The following TBCK variants were observed in gnomAD, a reference collection of about 807,000 sequenced individuals.
TBCK encodes the protein TBC domain-containing protein kinase-like protein.
Under a neutral mutation model 113.4 loss-of-function variants are expected in TBCK, and 99 were observed. The observed-to-expected ratio is 0.87, with a 90% confidence interval of 0.74 to 1.03. TBCK has a LOEUF of 1.03. TBCK is among the 50% of genes least tolerant of loss of function. TBCK has a pLI of 0.00. For synonymous variants in TBCK, 369 were observed against 370.8 expected, an observed-to-expected ratio of 1.00 and a Z score of 0.05; for missense variants, 1,045 against 1,061.3, an observed-to-expected ratio of 0.98 and a Z score of 0.21.
At chr4:106,309,469 A>G (rs570226037) in intron 1 of TBCK, among the ~76,000 whole-genome samples, 2 of 151,588 alleles carry the variant, frequency 1.3e-5, no homozygotes, top group Non-Finnish European at 2.9e-5. Context: ...CACCCAGTTA[A>G]CTTTTTGTAT....
At chr4:106,121,004 G>C (rs1443539181) in intron 23 of TBCK, among the ~76,000 whole-genome samples, 1 of 152,240 alleles carries the variant, frequency 6.6e-6, no homozygotes, top group Admixed American at 6.5e-5. Flanking sequence ...GGCTTCAGAC[G>C]ATCAAATTAC....
chr4:106,120,703 C>A (rs1257144047), intron 23 of TBCK, among the ~76,000 whole-genome samples: 2 of 152,202 alleles, frequency 1.3e-5, no homozygotes, highest in Non-Finnish European at 2.9e-5. Context: ...CCAGCAGGGG[C>A]ACACTGACAC....
intron 24 of TBCK, among the ~76,000 whole-genome samples, chr4:106,103,120 T>G (rs755484365): frequency 6.6e-6 from 1 of 152,214 alleles, no homozygotes; most frequent in Non-Finnish European, 1.5e-5. Flanking sequence ...AATTAAATAT[T>G]ATAAATTAAG....
intron 23 of TBCK, among the ~76,000 whole-genome samples, chr4:106,116,790 G>A (rs938974505): frequency 6.6e-6 from 1 of 152,018 alleles, no homozygotes; most frequent in African/African-American, 2.4e-5. Flanking sequence ...AATGCCTGAT[G>A]ATCTGTCATT....
At chr4:106,078,311 A>G (rs1295113689) in intron 25 of TBCK, among the ~76,000 whole-genome samples, 2 of 152,194 alleles carry the variant, frequency 1.3e-5, no homozygotes, top group Non-Finnish European at 2.9e-5. Context: ...TAAAACTGAG[A>G]TGCGAAAATC....
rs542729783 is a variant in TBCK, at chr4:106,171,420, T to C, written c.2060-150A>G. ...ATGTCAGTAAAAAAAACAATGTATA[T>C]ATTAATCAGCATATTTATGACTGGA... is the stretch of plus-strand genomic sequence containing the variant. On this transcript the variant is annotated intron_variant, in intron 22 of 25. Transcript: ENST00000394708. 2.3e-5 allele frequency: 14 copies of C among 603,646 alleles called. No homozygotes were observed. The Admixed American group carries it at 4.3e-4, about 19-fold the overall frequency. The allele number at this position is 603,646 out of a possible 1,614,324, so 37.4% of individuals were successfully genotyped here. A position where few individuals can be genotyped will look rare whatever the true frequency, so the allele number is the denominator to read the frequency against.
chr4:106,267,350 A>G (rs566757958), intron 3 of TBCK, among the ~76,000 whole-genome samples: 8 of 152,098 alleles, frequency 5.3e-5, no homozygotes, highest in East Asian at 1.9e-4. Flanking sequence ...ATATTAAAAC[A>G]TATCAATTGA....
intron 20 of TBCK, among the ~76,000 whole-genome samples, chr4:106,200,249 C>G (rs1226436312): frequency 6.6e-6 from 1 of 152,118 alleles, no homozygotes; most frequent in Non-Finnish European, 1.5e-5. Flanking sequence ...TTACTTATTT[C>G]AAAATTCATG....
intron 8 of TBCK, 65 bp from the exon 9 acceptor site, chr4:106,248,371 A>T: frequency 7.8e-6 from 9 of 1,153,228 alleles, no homozygotes; most frequent in Non-Finnish European, 1.1e-5. Flanking sequence ...CTTTATTCAA[A>T]TGTTTGCTAA....
chr4:106,209,272 T>C lies in TBCK; in HGVS notation c.1860+3478A>G, dbSNP rs532555939. Among the ~76,000 whole-genome samples, 77 of 152,322 alleles carry C rather than the reference T, an allele frequency of 5.1e-4. 3 individuals are homozygous for C. The South Asian group carries it at 0.016, about 31-fold the overall frequency. ...ATGTCACAATTATTTAGTTATTGAG[T>C]AATTCACTCACCCTGCATAGCAGCA... On this transcript the variant is annotated intron_variant, in intron 20 of 25. Coordinates refer to ENST00000394708, the MANE Select transcript of TBCK (RefSeq NM_001163435.3).
chr4:106,262,098 C>T lies in TBCK; in HGVS notation c.381G>A (p.Lys127=). The T allele has an allele frequency of 6.7e-7, 1 of 1,503,594 alleles. No homozygotes were observed. The highest frequency in any genetic ancestry group is 9.0e-7 in the Non-Finnish European group (1 of 1,113,654). The allele number at this position is 1,503,594 out of a possible 1,614,324, so 93.1% of individuals were successfully genotyped here. ...LSPHNILLDR[K]GHIKLAKFGL... Reference sequence around the variant, plus strand: ...ATTTATTACATGATTTAACAATTACCTTTCGGTCCAACAGGATATTATGAG... The same window carrying T: ...ATTTATTACATGATTTAACAATTACTTTTCGGTCCAACAGGATATTATGAG... Residue 127 remains lysine, a splice_region_variant and synonymous_variant, in exon 4 of 26, where the codon AAG becomes AAA. Coordinates refer to ENST00000394708, the MANE Select transcript of TBCK (RefSeq NM_001163435.3).
At position 106,298,653 on chromosome 4, in the gene TBCK, T is replaced by C. The variant is rs531205199; in HGVS notation, c.194-3487A>G. On this transcript the variant is annotated intron_variant, in intron 2 of 25. Coordinates refer to ENST00000394708, the MANE Select transcript of TBCK (RefSeq NM_001163435.3). ...GAAGACGAAAAGTGCTTCCTTCAAG[T>C]GAAAAGGTGAAAGTTCTCGACTTGA... 5.9e-4 allele frequency among the ~76,000 whole-genome samples: 89 copies of C among 151,726 alleles called. 3 individuals are homozygous for C. The highest frequency in any genetic ancestry group is 1.7e-3 in the Admixed American group (26 of 15,236).
chr4:106,046,777 T>A (rs1393324029), intron 25 of TBCK, 97 bp from the exon 26 acceptor site: 1 of 605,506 alleles, frequency 1.7e-6, no homozygotes, highest in African/African-American at 1.9e-5. Flanking sequence ...ATTAATTTAA[T>A]GTTATGATTG....
At chr4:106,291,937 CA>C (rs1190642212) in intron 3 of TBCK, among the ~76,000 whole-genome samples, 2 of 152,164 alleles carry the variant, frequency 1.3e-5, no homozygotes, top group Admixed American at 6.5e-5. Context: ...AACAATGCAA[CA>C]ATGCTTGCTT....
intron 23 of TBCK, among the ~76,000 whole-genome samples, chr4:106,121,536 T>C (rs1478920550): frequency 6.6e-6 from 1 of 151,680 alleles, no homozygotes; most frequent in East Asian, 1.9e-4. Flanking sequence ...AATAGACATC[T>C]ACAGAACTCT....
intron 3 of TBCK, among the ~76,000 whole-genome samples, chr4:106,264,431 A>C (rs10213435): frequency 0.064 from 9,699 of 151,922 alleles, 365 homozygotes; most frequent in Non-Finnish European, 0.082. Context: ...AAGTGTATTC[A>C]GTGCGTGCAG....
At chr4:106,247,396 C>A in intron 9 of TBCK, 109 bp from the exon 10 acceptor site, 1 of 978,546 alleles carries the variant, frequency 1.0e-6, no homozygotes, top group Non-Finnish European at 1.6e-6. Flanking sequence ...CTCATTAGCA[C>A]AGAAAATAAT....
At chr4:106,182,325 T>G (rs1054862467) in intron 22 of TBCK, 2 of 152,268 alleles carry the variant, frequency 1.3e-5, no homozygotes, top group South Asian at 4.1e-4. Context: ...CAGAGACAAT[T>G]TGACTTCCTC....
At chr4:106,241,625 TGAAGA>T (rs1760151120) in intron 12 of TBCK, among the ~76,000 whole-genome samples, 1 of 151,818 alleles carries the variant, frequency 6.6e-6, no homozygotes, top group South Asian at 2.1e-4. Context: ...ATCAAAAAAG[TGAAGA>T]GAAAACTATT....
Sources: gnomAD v4.1 joint callset for allele counts (sites outside exome capture counted in the v4.1 genomes callset) on GRCh38, gnomAD v4.1.1 for gene constraint, MANE v1.5 for transcripts, NCBI Gene and HGNC (gene_info 2026-07-23, HGNC 2026-07-21) for gene names.